MYOF: variants seen among roughly 807,000 people sequenced by gnomAD.
The protein encoded by MYOF is fer-1-like 3, myoferlin.
A neutral mutation model predicts 284.2 loss-of-function variants in MYOF; 244 were observed. The observed-to-expected ratio is 0.86, with a 90% CI of 0.77 to 0.95. MYOF has a LOEUF of 0.95. Ranked by LOEUF, MYOF falls within the 40% of genes least tolerant of loss-of-function variation. The probability of loss-of-function intolerance (pLI) is 0.00; values close to 1 mark genes in which losing one functional copy is unlikely to be tolerated. For synonymous variants in MYOF, 904 were observed against 919.7 expected (o/e 0.98, Z 0.31); for missense variants, 2,496 against 2,560.6 (o/e 0.97, Z 0.54).
chr10:93,449,705 G>A (rs1402688262), intron 3 of MYOF, among the ~76,000 whole-genome samples: 1 of 152,106 alleles, frequency 6.6e-6, no homozygotes, highest in African/African-American at 2.4e-5. Context: ...TACCCAGGCT[G>A]GTTTCTAACT....
chr10:93,468,501 G>T (rs78137684), intron 1 of MYOF, among the ~76,000 whole-genome samples: 1 of 152,186 alleles, frequency 6.6e-6, no homozygotes, highest in Non-Finnish European at 1.5e-5. Context: ...GTCCTTCCTC[G>T]CTCCAAGAGA....
rs535345118 is a variant in MYOF, at chr10:93,376,192, A to G, written c.2108+1131T>C. ...AAAATTCACAGACAATTTCTCCATG[A>G]AAGTTATTACCAAATGTTTCTGTTT... On this transcript the variant is annotated intron_variant, in intron 22 of 53. Coordinates refer to ENST00000359263, the MANE Select transcript of MYOF (RefSeq NM_013451.4). Among the ~76,000 whole-genome samples, 201 of 152,354 alleles carry G rather than the reference A, an allele frequency of 1.3e-3. 1 individual carries two copies. Among genetic ancestry groups the G allele is most frequent in the African/African-American group, 4.7e-3 (195 of 41,584 alleles).
chr10:93,375,973 C>T (rs1204395927), intron 22 of MYOF, among the ~76,000 whole-genome samples: 15 of 152,190 alleles, frequency 9.9e-5, no homozygotes, highest in African/African-American at 3.1e-4. Context: ...AGCTCTGATT[C>T]ACAGTGTCCT....
chr10:93,323,400 T>A, intron 46 of MYOF, 42 bp from the exon 47 acceptor site: 1 of 1,510,274 alleles, frequency 6.6e-7, no homozygotes, highest in Non-Finnish European at 9.1e-7. Context: ...AGTTATATGA[T>A]GGGTAGCAGA....
intron 52 of MYOF, among the ~76,000 whole-genome samples, 183 bp from the exon 53 acceptor site, chr10:93,310,350 G>A (rs1167988645): frequency 6.6e-6 from 1 of 152,108 alleles, no homozygotes; most frequent in Non-Finnish European, 1.5e-5. Context: ...GCTGAACTTT[G>A]GTTTCCTGGA....
Position 93,379,825 on chromosome 10 carries a change from G to A in MYOF, c.2001+38C>T, listed in dbSNP as rs186247051. On this transcript the variant is annotated intron_variant, in intron 21 of 53. Coordinates refer to ENST00000359263, the MANE Select transcript of MYOF (RefSeq NM_013451.4). The stretch of plus-strand genomic sequence containing the variant: ...TCCATCCTAATACCTAATTCACCCT[G>A]CTTGGTGAAAAGGAAATGCAGAAAA... 0.014 allele frequency: 23,242 copies of A among 1,610,716 alleles called. 223 individuals carry two copies. Among genetic ancestry groups the A allele is most frequent in the Middle Eastern group, 0.019 (116 of 6,042 alleles).
chr10:93,448,090 C>A (rs1057157070), intron 3 of MYOF, among the ~76,000 whole-genome samples: 2 of 152,124 alleles, frequency 1.3e-5, no homozygotes, highest in Non-Finnish European at 2.9e-5. Flanking sequence ...CACTTTCAAC[C>A]CTCACTGTGC....
Position 93,333,215 on chromosome 10 carries a change from T to C in MYOF, c.4811+6A>G. On this transcript the variant is annotated splice_donor_region_variant and intron_variant, in intron 43 of 53. Coordinates refer to ENST00000359263, the MANE Select transcript of MYOF (RefSeq NM_013451.4). ...GGCCAGAAAAACATTTAAGAATGTA[T>C]ATTACCTGCCAAAGACTGGGTTGAG... The C allele has an allele frequency of 6.2e-7, 1 of 1,611,554 alleles. No individual in the cohort carries two copies. The highest frequency in any genetic ancestry group is 8.5e-7 in the Non-Finnish European group (1 of 1,177,628).
intron 5 of MYOF, among the ~76,000 whole-genome samples, chr10:93,412,810 A>G (rs970739047): frequency 2.6e-5 from 4 of 152,154 alleles, no homozygotes; most frequent in African/African-American, 9.6e-5. Context: ...TGGAAAAACT[A>G]CTGAACAACT....
At chr10:93,324,434 A>G (rs1403935109) in intron 46 of MYOF, 1 of 152,188 alleles carries the variant, frequency 6.6e-6, no homozygotes, top group Non-Finnish European at 1.5e-5. Flanking sequence ...ACTCTACAGA[A>G]TATTAGGCGT....
chr10:93,325,940 G>A lies in MYOF; in HGVS notation c.5157C>T (p.His1719=), dbSNP rs762125809. ...EFEANKILHQ[H]LGAPEERLAL... The stretch of plus-strand genomic sequence containing the variant: ...CAAGCCGCTCTTCAGGGGCCCCGAG[G>A]TGCTGGTGCAGGATTTTGTTGGCTT... Residue 1719 remains histidine (H), a synonymous_variant, in exon 46 of 54, where the codon CAC becomes CAT. Transcript: ENST00000359263. 1.2e-6 allele frequency: 2 copies of A among 1,614,052 alleles called. No individual in the cohort carries two copies. Among genetic ancestry groups the A allele is most frequent in the South Asian group, 1.1e-5 (1 of 91,060 alleles).
intron 1 of MYOF, among the ~76,000 whole-genome samples, chr10:93,461,219 G>A (rs1354996668): frequency 6.6e-6 from 1 of 152,204 alleles, no homozygotes; most frequent in Non-Finnish European, 1.5e-5. Flanking sequence ...GTCAGCTCAG[G>A]CCAAGAGACC....
chr10:93,421,514 G>C (rs928448353), intron 5 of MYOF, among the ~76,000 whole-genome samples: 1 of 152,188 alleles, frequency 6.6e-6, no homozygotes, highest in Non-Finnish European at 1.5e-5. Context: ...GTTGAAATCT[G>C]ATCCCCAGTG....
intron 44 of MYOF, 117 bp from the exon 45 acceptor site, chr10:93,329,028 G>T: frequency 1.0e-6 from 1 of 1,000,330 alleles, no homozygotes; most frequent in Non-Finnish European, 1.4e-6. Flanking sequence ...CAGAAAATCT[G>T]CGCTACACTC....
At position 93,388,924 on chromosome 10, in the gene MYOF, T is replaced by C. The variant is rs979026654; in HGVS notation, c.1581+106A>G. On this transcript the variant is annotated intron_variant, in intron 18 of 53. Transcript: ENST00000359263. ...TTTCCTATCTTTGCATTCTAAGTCTTAGGGAGTATGAAACTTCTATCCTGC... is the reference window on the plus strand; with the variant it reads ...TTTCCTATCTTTGCATTCTAAGTCTCAGGGAGTATGAAACTTCTATCCTGC... 14 of 1,420,818 alleles carry C rather than the reference T, an allele frequency of 9.9e-6. No homozygotes were observed. The African/African-American group carries it at 1.9e-4, about 19-fold the overall frequency. The allele number at this position is 1,420,818 out of a possible 1,614,324, so 88.0% of individuals were successfully genotyped here.
In MYOF at chr10:93,431,394, G is replaced by C. The variant is rs1203081602; in HGVS notation, c.345+14C>G. 8 of 1,609,614 alleles carry C rather than the reference G, an allele frequency of 5.0e-6. No individual in the cohort carries two copies. The Admixed American group carries it at 1.3e-4, about 27-fold the overall frequency. On this transcript the variant is annotated intron_variant, in intron 4 of 53. Coordinates refer to ENST00000359263, the MANE Select transcript of MYOF (RefSeq NM_013451.4). ...CTCACTTCAAAGCCATTCAATAAGA[G>C]AGAAAACACTCACCCCAGTATCTTG... is the stretch of plus-strand genomic sequence containing the variant.
At chr10:93,370,053 A>G (rs1845513965) in intron 24 of MYOF, among the ~76,000 whole-genome samples, 1 of 152,178 alleles carries the variant, frequency 6.6e-6, no homozygotes, top group African/African-American at 2.4e-5. Flanking sequence ...TAACACTAAC[A>G]TGGTATTTAT....
chr10:93,454,164 A>G (rs908096673), intron 2 of MYOF, among the ~76,000 whole-genome samples: 2 of 152,210 alleles, frequency 1.3e-5, no homozygotes, highest in African/African-American at 4.8e-5. Context: ...CCTGGGCAAC[A>G]AGAGCAAAAC....
chr10:93,344,991 C>A (rs1428013143), intron 37 of MYOF, among the ~76,000 whole-genome samples: 1 of 152,060 alleles, frequency 6.6e-6, no homozygotes, highest in African/African-American at 2.4e-5. Context: ...TGGGGGATAC[C>A]AAAGCCTCAC....
Sources: allele counts gnomAD v4.1 joint callset (sites outside exome capture counted in the v4.1 genomes callset), GRCh38; gene constraint gnomAD v4.1.1; transcripts MANE v1.5; gene names NCBI Gene and HGNC (gene_info 2026-07-23, HGNC 2026-07-21).